The following LRRN3 variants were observed in gnomAD, a reference collection of about 807,000 sequenced individuals.
The protein encoded by LRRN3 is leucine-rich repeat neuronal protein 3.
LRRN3 carries 15 observed loss-of-function variants against 40.1 expected under a neutral mutation model. The ratio of observed to expected loss-of-function variants is 0.37; its 90% confidence interval spans 0.25 to 0.58. LRRN3 has a LOEUF of 0.58. Ranked by LOEUF, LRRN3 falls within the 20% of genes least tolerant of loss-of-function variation. The probability of loss-of-function intolerance (pLI) is 0.72; values close to 1 mark genes in which losing one functional copy is unlikely to be tolerated. For missense variants in LRRN3, 746 were observed against 837.7 expected (o/e 0.89, Z 1.35); for synonymous variants, 308 against 297.2 (o/e 1.04, Z -0.37).
chr7:111,105,540 T>A (rs1354317106), intron 2 of LRRN3, among the ~76,000 whole-genome samples: 6 of 151,894 alleles, frequency 4.0e-5, no homozygotes, highest in Non-Finnish European at 8.8e-5. Context: ...AAAAATGGGT[T>A]GCTGTAGCAA....
In LRRN3 at chr7:111,124,167, G is replaced by A. The variant is rs1801002086; in HGVS notation, c.1395G>A (p.Leu465=). ...TAACACCTTCTGGTCAAAAACTCTT[G>A]CCTAATACCCTGACAGACAAGTTCT... ...YWITPSGQKL[L]PNTLTDKFYV... The change falls in exon 3 of 3, where the codon TTG becomes TTA. Residue 465 remains leucine, a synonymous_variant. Transcript: ENST00000308478. 3 of 1,613,864 alleles carry A rather than the reference G, an allele frequency of 1.9e-6. No individual in the cohort carries two copies. The highest frequency in any genetic ancestry group is 2.2e-5 in the East Asian group (1 of 44,870).
chr7:111,123,947 A>G lies in LRRN3; in HGVS notation c.1175A>G (p.Asp392Gly). ...ACCAACATTCGATTCATGGAGCCAG[A>G]TTCACTGTTTTGCGTGGACCCACCT... ...NKTNIRFMEP[D>G]SLFCVDPPEF... Residue 392 changes from aspartate (D) to glycine (G), a missense_variant, in exon 3 of 3, where the codon GAT (aspartate) becomes GGT (glycine). Transcript: ENST00000308478. The surrounding 1 kb of genome is among the most constrained non-coding windows in gnomAD (Gnocchi z 6.4). 1 of 1,614,038 alleles carries G rather than the reference A, an allele frequency of 6.2e-7. No individual in the cohort carries two copies.
At chr7:111,097,530 G>A (rs933866201) in intron 1 of LRRN3, among the ~76,000 whole-genome samples, 4 of 151,576 alleles carry the variant, frequency 2.6e-5, no homozygotes, top group South Asian at 4.1e-4. Flanking sequence ...AATGTTGAGA[G>A]ATTAAAGCAT....
chr7:111,123,509 A>G lies in LRRN3; in HGVS notation c.737A>G (p.Asn246Ser). 6.2e-7 allele frequency: 1 copy of G among 1,613,920 alleles called. No individual in the cohort carries two copies. Among genetic ancestry groups the G allele is most frequent in the Non-Finnish European group, 8.5e-7 (1 of 1,179,938 alleles). ...TTAGAAAGCATCTCTTTTTACGATA[A>G]CAGGCTTATTAAAGTACCCCATGTT... ...ENLESISFYD[N>S]RLIKVPHVAL... The change falls in exon 3 of 3, where the codon AAC becomes AGC. Residue 246 changes from asparagine (N) to serine (S), a missense_variant. Coordinates refer to ENST00000308478, the MANE Select transcript of LRRN3 (RefSeq NM_001099658.2). The surrounding 1 kb of genome is among the most constrained non-coding windows in gnomAD (Gnocchi z 6.4).
intron 2 of LRRN3, among the ~76,000 whole-genome samples, chr7:111,112,931 T>G (rs1799413707): frequency 6.6e-6 from 1 of 152,212 alleles, no homozygotes; most frequent in African/African-American, 2.4e-5. Flanking sequence ...CTGAAGGAGC[T>G]AATTTTATTT....
rs1562824640 is a variant in LRRN3 at position 111,124,926 on chromosome 7, A to T, written c.*27A>T. On this transcript the variant is annotated 3_prime_UTR_variant, in exon 3 of 3. Coordinates refer to ENST00000308478, the MANE Select transcript of LRRN3 (RefSeq NM_001099658.2). The stretch of plus-strand genomic sequence containing the variant: ...AACCACCAAGGAAACCTACTCCAAA[A>T]ATGAACAAAAAAAAAAAAAGCGAAA... 2.1e-6 allele frequency: 3 copies of T among 1,445,142 alleles called. No individual in the cohort carries two copies. Among genetic ancestry groups the T allele is most frequent in the Non-Finnish European group, 2.8e-6 (3 of 1,080,206 alleles). 89.5% of individuals were successfully genotyped at this position (1,445,142 alleles called of 1,614,324 possible).
chr7:111,124,595 A>G lies in LRRN3; in HGVS notation c.1823A>G (p.Asn608Ser), dbSNP rs1801065588. 1 of 1,613,976 alleles carries G rather than the reference A, an allele frequency of 6.2e-7. No homozygotes were observed. Among genetic ancestry groups the G allele is most frequent in the South Asian group, 1.1e-5 (1 of 91,082 alleles). The change falls in exon 3 of 3, where the codon AAT becomes AGT. Residue 608 changes from asparagine (N) to serine (S), a missense_variant. By Grantham distance (46) the Asn-to-Ser change is conservative. Coordinates refer to ENST00000308478, the MANE Select transcript of LRRN3 (RefSeq NM_001099658.2). ...IYQKNRKKCVNVTTKGLHPDQ... is the reference protein window; with the variant it reads ...IYQKNRKKCVSVTTKGLHPDQ... ...CAGAAAAACAGAAAAAAATGTGTAA[A>G]TGTCACCACCAAAGGTTTGCACCCT...
chr7:111,099,219 G>A (rs192938927), intron 1 of LRRN3, among the ~76,000 whole-genome samples: 183 of 151,692 alleles, frequency 1.2e-3, no homozygotes, highest in African/African-American at 3.6e-3. Context: ...TAGCTCATTG[G>A]TCTCAAATTT....
At position 111,123,651 on chromosome 7, in the gene LRRN3, T is replaced by A; in HGVS notation, c.879T>A (p.Asn293Lys). Residue 293 changes from asparagine to lysine, a missense_variant, in exon 3 of 3, where the codon AAT becomes AAA. Coordinates refer to ENST00000308478, the MANE Select transcript of LRRN3 (RefSeq NM_001099658.2). The surrounding 1 kb of genome is among the most constrained non-coding windows in gnomAD (Gnocchi z 6.4). Reference protein sequence around the residue: ...MLHLKELGINNMPELISIDSL... With the variant: ...MLHLKELGINKMPELISIDSL... The stretch of plus-strand genomic sequence containing the variant: ...ACTTAAAAGAGTTGGGGATAAATAA[T>A]ATGCCTGAGCTGATTTCCATCGATA... 1 of 1,613,950 alleles carries A rather than the reference T, an allele frequency of 6.2e-7. No homozygotes were observed. The highest frequency in any genetic ancestry group is 8.5e-7 in the Non-Finnish European group (1 of 1,179,958).
rs200291058 is a variant in LRRN3, at chr7:111,123,416, G to A, written c.644G>A (p.Arg215His). The A allele has an allele frequency of 2.5e-5, 40 of 1,613,336 alleles. No individual in the cohort carries two copies. The highest frequency in any genetic ancestry group is 2.0e-4 in the Admixed American group (12 of 59,882). Residue 215 changes from arginine (R) to histidine (H), a missense_variant, in exon 3 of 3, where the codon CGC becomes CAC. Physicochemically the swap from Arg to His is conservative, Grantham distance 29. Transcript: ENST00000308478. The surrounding 1 kb of genome is among the most constrained non-coding windows in gnomAD (Gnocchi z 6.4). Reference sequence around the variant, plus strand: ...AACTTTAAGCCTCTTATCAATCTTCGCAGCCTGGTTATAGCTGGTATAAAC... The same window carrying A: ...AACTTTAAGCCTCTTATCAATCTTCACAGCCTGGTTATAGCTGGTATAAAC... ...DMNFKPLINL[R>H]SLVIAGINLT...
At chr7:111,095,376 G>A (rs1367947819) in intron 1 of LRRN3, among the ~76,000 whole-genome samples, 1 of 151,344 alleles carries the variant, frequency 6.6e-6, no homozygotes, top group Non-Finnish European at 1.5e-5. Context: ...CTGCCTCCTT[G>A]GTCTTTCAAA....
At chr7:111,097,350 A>C (rs1192423315) in intron 1 of LRRN3, 1 of 151,940 alleles carries the variant, frequency 6.6e-6, no homozygotes, top group African/African-American at 2.4e-5. Flanking sequence ...TATTTTAACT[A>C]TAGAAGACAT....
intron 2 of LRRN3, among the ~76,000 whole-genome samples, chr7:111,112,069 T>C (rs1245902653): frequency 6.7e-6 from 1 of 149,082 alleles, no homozygotes; most frequent in Admixed American, 6.7e-5. Flanking sequence ...TGTCTCAGCC[T>C]CCCGAGTAGC....
At chr7:111,097,776 T>C (rs754325549) in intron 1 of LRRN3, among the ~76,000 whole-genome samples, 13 of 151,948 alleles carry the variant, frequency 8.6e-5, no homozygotes, top group Non-Finnish European at 1.3e-4. Flanking sequence ...CTGAACATGT[T>C]CTACAAAAAG....
chr7:111,098,188 G>GACTAGCTGA (rs1165331300), intron 1 of LRRN3, among the ~76,000 whole-genome samples: 2 of 151,782 alleles, frequency 1.3e-5, no homozygotes, highest in Admixed American at 1.3e-4. Flanking sequence ...TTTGTTGTGT[G>GACTAGCTGA]ACTAGCTGAA....
At position 111,124,046 on chromosome 7, in the gene LRRN3, C is replaced by T. The variant is rs1198482482; in HGVS notation, c.1274C>T (p.Pro425Leu). 1 of 1,613,920 alleles carries T rather than the reference C, an allele frequency of 6.2e-7. No individual in the cohort carries two copies. The highest frequency in any genetic ancestry group is 8.5e-7 in the Non-Finnish European group (1 of 1,179,956). ...GAAATTTGTCTCCCTCTTATAGCTC[C>T]TGAGAGCTTTCCTTCTAATCTAAAT... The part of the protein sequence containing the change: ...MMEICLPLIA[P>L]ESFPSNLNVE... The change falls in exon 3 of 3, where the codon CCT (proline) becomes CTT (leucine). Residue 425 changes from proline to leucine, a missense_variant. Pro to Leu is a moderately conservative substitution (Grantham distance 98). Coordinates refer to ENST00000308478, the MANE Select transcript of LRRN3 (RefSeq NM_001099658.2).
Position 111,123,274 on chromosome 7 carries a change from C to T in LRRN3, c.502C>T (p.Arg168Ter), listed in dbSNP as rs970043745. 4 of 1,613,738 alleles carry T rather than the reference C, an allele frequency of 2.5e-6. No homozygotes were observed. The highest frequency in any genetic ancestry group is 1.3e-5 in the African/African-American group (1 of 75,014). ...GAFIGLHNLLRLHLNSNRLQM... is the reference protein window; with the variant it reads ...GAFIGLHNLL ...CTTTATTGGCCTACATAATCTTCTT[C>T]GACTTCATCTCAATTCAAATAGATT... The change falls in exon 3 of 3, where the codon CGA becomes TGA. Residue 168 changes from arginine (R) to a stop codon, truncating the protein, a stop_gained. Coordinates refer to ENST00000308478, the MANE Select transcript of LRRN3 (RefSeq NM_001099658.2). LOFTEE classifies it high-confidence loss of function. This position sits in a 1 kb window ranked among gnomAD's most constrained non-coding sequence, Gnocchi z 6.4.
intron 2 of LRRN3, among the ~76,000 whole-genome samples, chr7:111,108,010 G>C (rs149967403): frequency 1.3e-5 from 2 of 152,152 alleles, no homozygotes; most frequent in African/African-American, 4.8e-5. Flanking sequence ...TTTCTTAACC[G>C]AGTATATATG....
At chr7:111,103,794 C>G (rs886434439) in intron 2 of LRRN3, among the ~76,000 whole-genome samples, 5 of 151,492 alleles carry the variant, frequency 3.3e-5, no homozygotes, top group African/African-American at 4.8e-5. Context: ...CACAACATTC[C>G]TTTCAAGTAG....
Sources: allele counts gnomAD v4.1 joint callset (sites outside exome capture counted in the v4.1 genomes callset), GRCh38; gene constraint gnomAD v4.1.1; non-coding constraint Gnocchi (gnomAD v3.1); transcripts MANE v1.5; gene names NCBI Gene and HGNC (gene_info 2026-07-23, HGNC 2026-07-21).